The following FGL1 variants were observed in gnomAD, a reference collection of about 807,000 sequenced individuals.
The protein encoded by FGL1 is fibrinogen like 1, also known as fibrinogen-like protein 1.
In FGL1, 59 loss-of-function variants were observed where a neutral mutation model predicts 43.7. The ratio of observed to expected loss-of-function variants is 1.35; its 90% CI spans 1.10 to 1.68. The LOEUF (loss-of-function observed/expected upper bound fraction) is 1.68. Ranked by LOEUF, FGL1 falls within the 40% of genes most tolerant of loss-of-function variation. The pLI is 0.00. For synonymous variants in FGL1, 192 were observed against 126.5 expected (o/e 1.52, Z -3.48); for missense variants, 596 against 373.0 (o/e 1.60, Z -4.92).
At chr8:17,864,805 T>C in intron 7 of FGL1, 54 bp from the exon 8 acceptor site, 1 of 1,336,766 alleles carries the variant, frequency 7.5e-7, no homozygotes, top group Non-Finnish European at 9.7e-7. Context: ...AAAAATATTG[T>C]TCAGAATCCC....
chr8:17,865,444 G>T (rs1212167255), intron 7 of FGL1, among the ~76,000 whole-genome samples: 1 of 152,104 alleles, frequency 6.6e-6, no homozygotes, highest in East Asian at 1.9e-4. Flanking sequence ...TCTTTAAATT[G>T]CTAGCCTATC....
chr8:17,890,915 T>C (rs1194110592), intron 1 of FGL1, among the ~76,000 whole-genome samples: 3 of 152,072 alleles, frequency 2.0e-5, no homozygotes, highest in Non-Finnish European at 2.9e-5. Context: ...GTCCATCCCA[T>C]AACATGTGGG....
intron 3 of FGL1, 131 bp from the exon 4 acceptor site, chr8:17,874,652 A>G: frequency 1.8e-6 from 1 of 553,988 alleles, no homozygotes; most frequent in Non-Finnish European, 2.9e-6. Flanking sequence ...CAGCGTTTTA[A>G]AATTGCATCT....
chr8:17,882,846 T>G (rs1339761757), intron 2 of FGL1, among the ~76,000 whole-genome samples: 5 of 117,900 alleles, frequency 4.2e-5, no homozygotes, highest in Non-Finnish European at 7.9e-5. Flanking sequence ...AAATAATATA[T>G]AATATATATC....
At chr8:17,891,857 A>G (rs2053709826) in intron 1 of FGL1, 2 of 948,802 alleles carry the variant, frequency 2.1e-6, no homozygotes, top group Admixed American at 1.2e-4. Context: ...TGCTTTTCAT[A>G]AACTTTTTTG....
chr8:17,882,976 A>T (rs1188557113), intron 2 of FGL1, among the ~76,000 whole-genome samples: 2 of 94,794 alleles, frequency 2.1e-5, no homozygotes, highest in Non-Finnish European at 3.4e-5. Flanking sequence ...ATAATATATT[A>T]AATATATAAT....
chr8:17,874,160 G>A (rs538079958), intron 4 of FGL1, 44 bp from the exon 5 acceptor site: 1 of 1,533,450 alleles, frequency 6.5e-7, no homozygotes, highest in African/African-American at 1.4e-5. Flanking sequence ...AACTCCATTT[G>A]TGGTACCAAA....
chr8:17,877,405 G>A (rs897321255), intron 3 of FGL1, among the ~76,000 whole-genome samples: 1 of 152,202 alleles, frequency 6.6e-6, no homozygotes, highest in Non-Finnish European at 1.5e-5. Context: ...AGCTCATAAA[G>A]TGACATGACA....
chr8:17,877,863 T>C (rs182764984), intron 3 of FGL1, among the ~76,000 whole-genome samples: 26 of 152,346 alleles, frequency 1.7e-4, no homozygotes, highest in Non-Finnish European at 3.4e-4. Flanking sequence ...TGAGTAGGCT[T>C]TCTTCCTTGA....
intron 1 of FGL1, among the ~76,000 whole-genome samples, chr8:17,889,861 A>T (rs1464417788): frequency 2.6e-4 from 39 of 152,244 alleles, no homozygotes. Flanking sequence ...GATAGGAAGA[A>T]CACACTTGAA....
chr8:17,894,006 T>C (rs1215028859), intron 1 of FGL1, among the ~76,000 whole-genome samples: 2 of 147,162 alleles, frequency 1.4e-5, no homozygotes, highest in South Asian at 2.1e-4. Flanking sequence ...TATATTATTT[T>C]ACATAATTTT....
At chr8:17,873,906 T>A in intron 5 of FGL1, 113 bp downstream of exon 5, 1 of 637,598 alleles carries the variant, frequency 1.6e-6, no homozygotes, top group Non-Finnish European at 2.4e-6. Flanking sequence ...CACTGCCATC[T>A]GCAAATCATA....
chr8:17,872,061 A>T (rs1217089856), intron 5 of FGL1, among the ~76,000 whole-genome samples: 3 of 152,152 alleles, frequency 2.0e-5, no homozygotes, highest in Non-Finnish European at 4.4e-5. Flanking sequence ...AAACACTTAA[A>T]ACTAGAATAA....
chr8:17,888,776 G>A (rs1023954853), intron 1 of FGL1, among the ~76,000 whole-genome samples: 1 of 152,024 alleles, frequency 6.6e-6, no homozygotes, highest in Non-Finnish European at 1.5e-5. Context: ...ATTACAGTGG[G>A]AAAATATATT....
At chr8:17,891,763 G>C in intron 1 of FGL1, 1 of 983,230 alleles carries the variant, frequency 1.0e-6, no homozygotes, top group Non-Finnish European at 1.2e-6. Flanking sequence ...TTTTGTGTCT[G>C]TTGAATTTAT....
intron 3 of FGL1, among the ~76,000 whole-genome samples, chr8:17,881,326 G>T (rs1048515178): frequency 6.6e-6 from 1 of 151,298 alleles, no homozygotes; most frequent in African/African-American, 2.4e-5. Context: ...TAGTAGAGAT[G>T]GGGTTTCACC....
chr8:17,877,777 A>G (rs1377619586), intron 3 of FGL1, among the ~76,000 whole-genome samples: 1 of 152,042 alleles, frequency 6.6e-6, no homozygotes, highest in East Asian at 1.9e-4. Context: ...AAACAATCCA[A>G]TTTTGCTCTC....
chr8:17,873,932 G>T (rs2053402990), intron 5 of FGL1, 87 bp downstream of exon 5: 1 of 824,034 alleles, frequency 1.2e-6, no homozygotes, highest in Non-Finnish European at 1.8e-6. Flanking sequence ...TATTGAATTA[G>T]TTCCATTGCC....
chr8:17,872,574 A>G (rs1445381561), intron 5 of FGL1, among the ~76,000 whole-genome samples: 1 of 152,170 alleles, frequency 6.6e-6, no homozygotes, highest in African/African-American at 2.4e-5. Context: ...AAGTGCTGGG[A>G]TTACAGGCAT....
Sources: allele counts gnomAD v4.1 joint callset (sites outside exome capture counted in the v4.1 genomes callset), GRCh38; gene constraint gnomAD v4.1.1; transcripts MANE v1.5; gene names NCBI Gene and HGNC (gene_info 2026-07-23, HGNC 2026-07-21).